PLD1: variants seen among roughly 807,000 people sequenced by gnomAD.
The protein encoded by PLD1 is phospholipase D1, also known as choline phosphatase 1.
PLD1 carries 112 observed loss-of-function variants against 137.1 expected under a neutral mutation model. The ratio of observed to expected loss-of-function variants is 0.82; its 90% CI spans 0.70 to 0.96. PLD1 has a LOEUF of 0.96. Among genes scored for constraint, PLD1 ranks in the 40% least tolerant of loss-of-function variants. The pLI is 0.00. For missense variants in PLD1, 1,321 were observed against 1,342.0 expected, an observed-to-expected ratio of 0.98 and a Z score of 0.24; for synonymous variants, 431 against 454.7, an observed-to-expected ratio of 0.95 and a Z score of 0.66.
chr3:171,774,992 T>C (rs1208800476), intron 1 of PLD1, among the ~76,000 whole-genome samples: 1 of 152,178 alleles, frequency 6.6e-6, no homozygotes, highest in South Asian at 2.1e-4. Context: ...AAGGAGCAGC[T>C]GCAGCTGGGG....
chr3:171,604,838 C>T (rs1732083113), intron 26 of PLD1, among the ~76,000 whole-genome samples: 1 of 152,172 alleles, frequency 6.6e-6, no homozygotes, highest in South Asian at 2.1e-4. Context: ...ATTCTTTGTC[C>T]TCATAACTAC....
chr3:171,660,863 C>T (rs1439509876), intron 20 of PLD1, among the ~76,000 whole-genome samples: 1 of 152,022 alleles, frequency 6.6e-6, no homozygotes, highest in Non-Finnish European at 1.5e-5. Flanking sequence ...CCGCCTTGGC[C>T]CCCTCAAAGT....
At chr3:171,611,458 C>T (rs184135159) in intron 25 of PLD1, 294 of 384,122 alleles carry the variant, frequency 7.7e-4, no homozygotes, top group Non-Finnish European at 1.4e-3. Context: ...ACAGTTACAG[C>T]GCAGCCCTTG....
chr3:171,689,007 A>G (rs1195735634), intron 13 of PLD1, 131 bp from the exon 14 acceptor site: 14 of 642,748 alleles, frequency 2.2e-5, no homozygotes, highest in Non-Finnish European at 3.8e-5. Flanking sequence ...CGTATACACC[A>G]AAGAAAATAA....
At chr3:171,788,250 C>CTTTTTTTTT in intron 1 of PLD1, among the ~76,000 whole-genome samples, 1 of 110,556 alleles carries the variant, frequency 9.0e-6, no homozygotes, top group Non-Finnish European at 1.8e-5. Flanking sequence ...ATCTGCACTT[C>CTTTTTTTTT]TTTTTTTTTT....
rs778329039 is a variant in PLD1 at position 171,688,835 on chromosome 3, C to A, written c.1380G>T (p.Leu460Phe). 7.4e-6 allele frequency: 12 copies of A among 1,614,086 alleles called. No homozygotes were observed. The South Asian group carries it at 1.2e-4, about 16-fold the overall frequency. Residue 460 changes from leucine (L) to phenylalanine (F), a missense_variant, in exon 14 of 27, where the codon TTG (leucine) becomes TTT (phenylalanine). Transcript: ENST00000351298. Reference protein sequence around the residue: ...HPDHVSSTVYLWAHHEKLVII... With the variant: ...HPDHVSSTVYFWAHHEKLVII... ...TGACAAGCTTCTCATGGTGAGCCCA[C>A]AAATAGACGGTGGATGACACATGAT...
intron 1 of PLD1, among the ~76,000 whole-genome samples, chr3:171,804,122 G>A (rs996915722): frequency 1.3e-5 from 2 of 151,500 alleles, no homozygotes; most frequent in Admixed American, 6.6e-5. Flanking sequence ...TCACTTTTGG[G>A]TCTGTATCTT....
intron 9 of PLD1, among the ~76,000 whole-genome samples, chr3:171,710,869 G>GTTTTTTTTTTTTTTTTTTTTTT (rs1281179100): frequency 3.0e-5 from 3 of 98,680 alleles, no homozygotes; most frequent in African/African-American, 1.6e-4. Context: ...TAGGAAAACT[G>GTTTTTTTTTTTTTTTTTTTTTT]TTCTTTTTTT....
At chr3:171,708,148 A>G (rs1166376233) in intron 11 of PLD1, among the ~76,000 whole-genome samples, 1 of 152,180 alleles carries the variant, frequency 6.6e-6, no homozygotes, top group Non-Finnish European at 1.5e-5. Flanking sequence ...CTGAAGTCAG[A>G]CTAGAATGCC....
At chr3:171,736,533 G>C (rs1260115406) in intron 3 of PLD1, among the ~76,000 whole-genome samples, 1 of 152,146 alleles carries the variant, frequency 6.6e-6, no homozygotes. Flanking sequence ...ACATGGACCC[G>C]AGTCACAGGG....
At chr3:171,764,872 AAAGAAAGAAAGAAAGAAAGAAAGGAAGG>A (rs1560288277) in intron 1 of PLD1, among the ~76,000 whole-genome samples, 337 of 26,028 alleles carry the variant, frequency 0.013, 42 homozygotes, top group African/African-American at 0.048. Flanking sequence ...AGAAAGAAAG[AAAGAAAGAAAGAAAGAAAGAAAGGAAGG>A]AAGGAAGGAA....
chr3:171,713,934 C>A lies in PLD1; in HGVS notation c.870G>T (p.Glu290Asp), dbSNP rs1044277483. The A allele has an allele frequency of 3.1e-6, 5 of 1,612,964 alleles. No individual in the cohort carries two copies. The African/African-American group carries it at 6.7e-5, about 22-fold the overall frequency. ...TTCGGATTCCATATTTCGTTTCTGT[C>A]TCCTTCTTCCCCACCTTAATTTTGA... ...KEFKIKVGKK[E>D]TETKYGIRID... is the part of the protein sequence containing the mutation. The change falls in exon 9 of 27, where the codon GAG (glutamate) becomes GAT (aspartate). Residue 290 changes from glutamate to aspartate, a missense_variant. Coordinates refer to ENST00000351298, the MANE Select transcript of PLD1 (RefSeq NM_002662.5).
chr3:171,642,275 T>C (rs1735819648), intron 23 of PLD1, among the ~76,000 whole-genome samples: 1 of 151,524 alleles, frequency 6.6e-6, no homozygotes, highest in South Asian at 2.1e-4. Flanking sequence ...GCCAACACGG[T>C]GAAACCTCGT....
At chr3:171,804,647 G>C (rs1723777236) in intron 1 of PLD1, among the ~76,000 whole-genome samples, 1 of 152,210 alleles carries the variant, frequency 6.6e-6, no homozygotes, top group Non-Finnish European at 1.5e-5. Context: ...CCCATGGAAA[G>C]TGGCATAAAC....
At chr3:171,739,578 A>G (rs1368024123) in intron 1 of PLD1, among the ~76,000 whole-genome samples, 3 of 152,186 alleles carry the variant, frequency 2.0e-5, no homozygotes, top group East Asian at 1.9e-4. Flanking sequence ...CATAATAGTT[A>G]ATAGTTACTA....
chr3:171,757,990 C>T (rs1721141022), intron 1 of PLD1, among the ~76,000 whole-genome samples: 1 of 152,178 alleles, frequency 6.6e-6, no homozygotes. Context: ...TAGATCTTAG[C>T]TCAACTCTGG....
chr3:171,664,918 G>A (rs1226090226), intron 19 of PLD1, among the ~76,000 whole-genome samples: 1 of 152,076 alleles, frequency 6.6e-6, no homozygotes, highest in Non-Finnish European at 1.5e-5. Flanking sequence ...AACACAAAGT[G>A]ATAATAATGG....
intron 1 of PLD1, among the ~76,000 whole-genome samples, chr3:171,768,540 TCAGGTGAAAATCTA>T (rs1390799230): frequency 1.3e-5 from 2 of 152,206 alleles, no homozygotes; most frequent in Non-Finnish European, 2.9e-5. Context: ...AACTGGTCCA[TCAGGTGAAAATCTA>T]CCAAGGTTCG....
intron 8 of PLD1, among the ~76,000 whole-genome samples, chr3:171,724,380 T>C (rs1003402975): frequency 6.6e-6 from 1 of 152,200 alleles, no homozygotes; most frequent in Non-Finnish European, 1.5e-5. Context: ...TGGATTTGAC[T>C]TACATTTCCA....
Sources: gnomAD v4.1 joint callset for allele counts (sites outside exome capture counted in the v4.1 genomes callset) on GRCh38, gnomAD v4.1.1 for gene constraint, MANE v1.5 for transcripts, NCBI Gene and HGNC (gene_info 2026-07-23, HGNC 2026-07-21) for gene names.